BRD1: variants seen among roughly 807,000 people sequenced by gnomAD.
BRD1 encodes bromodomain containing 1.
In BRD1, 24 loss-of-function variants were observed where a neutral mutation model predicts 107.7. That is an observed-to-expected ratio of 0.22 (90% CI 0.16 to 0.31). BRD1 has a LOEUF of 0.31. Among genes scored for constraint, BRD1 ranks in the 10% least tolerant of loss-of-function variants. The probability of loss-of-function intolerance (pLI) is 1.00; values close to 1 mark genes in which losing one functional copy is unlikely to be tolerated. For missense variants in BRD1, 1,279 were observed against 1,638.6 expected, an observed-to-expected ratio of 0.78 and a Z score of 3.79; for synonymous variants, 744 against 686.1, an observed-to-expected ratio of 1.08 and a Z score of -1.32.
rs376536569 is a variant in BRD1 at position 49,782,567 on chromosome 22, G to A, written c.2858-4754C>T. Among the ~76,000 whole-genome samples the A allele has an allele frequency of 1.5e-3, 218 of 145,292 alleles. 2 individuals carry two copies. The highest frequency in any genetic ancestry group is 5.0e-3 in the African/African-American group (196 of 38,970). On this transcript the variant is annotated intron_variant, in intron 8 of 12. Transcript: ENST00000404760. ...GACAGACCCAAGGCCCATCGTGCTG[G>A]GACTCGCTCCGTGACAATGCAGCTG...
Position 49,803,189 on chromosome 22 carries a change from G to T in BRD1, c.1524+1015C>A, listed in dbSNP as rs1483400954. 6.6e-6 allele frequency among the ~76,000 whole-genome samples: 1 copy of T among 152,228 alleles called. No individual in the cohort carries two copies. Among genetic ancestry groups the T allele is most frequent in the African/African-American group, 2.4e-5 (1 of 41,452 alleles). On this transcript the variant is annotated intron_variant, in intron 3 of 12. Transcript: ENST00000404760. This position sits in a 1 kb window ranked among gnomAD's most constrained non-coding sequence, Gnocchi z 4.4. ...CAGCCACGGCAGGTGACTGAACAGG[G>T]CTCACGCTGCAGAGGCAGAGTCTGC... is the stretch of plus-strand genomic sequence containing the variant.
At chr22:49,781,590 G>A (rs1364780587) in intron 8 of BRD1, among the ~76,000 whole-genome samples, 1 of 152,204 alleles carries the variant, frequency 6.6e-6, no homozygotes, top group African/African-American at 2.4e-5. Context: ...CCCACAACAC[G>A]GGATACAAGC....
rs151282207 is a variant in BRD1 at position 49,774,260 on chromosome 22, C to A, written c.3543G>T (p.Pro1181=). The change falls in exon 13 of 13, where the codon CCG becomes CCT. Residue 1181 remains proline, a synonymous_variant. Coordinates refer to ENST00000404760, the MANE Select transcript of BRD1 (RefSeq NM_001304808.3). ...AGTCAATGTCACTGAGGTCGCTGGT[C>A]GGCTCCCCGTGGACGCGGCTCAGGT... ...MNHLSRVHGE[P]TSDLSDID The A allele has an allele frequency of 3.8e-5, 61 of 1,613,986 alleles. No homozygotes were observed. In the Middle Eastern group the frequency reaches 3.8e-3, roughly 101 times the overall value.
intron 2 of BRD1, among the ~76,000 whole-genome samples, chr22:49,809,467 G>C (rs990173669): frequency 1.3e-5 from 2 of 151,858 alleles, no homozygotes; most frequent in African/African-American, 4.8e-5. Flanking sequence ...CTTGAACACG[G>C]GAGGCGGAGG....
rs75263111 is a variant in BRD1 at position 49,783,214 on chromosome 22, G to A, written c.2857+4176C>T. Among the ~76,000 whole-genome samples, 5,710 of 152,342 alleles carry A rather than the reference G, an allele frequency of 0.037. 396 individuals are homozygous for A. The highest frequency in any genetic ancestry group is 0.13 in the African/African-American group (5,439 of 41,558). On this transcript the variant is annotated intron_variant, in intron 8 of 12. Coordinates refer to ENST00000404760, the MANE Select transcript of BRD1 (RefSeq NM_001304808.3). This position sits in a 1 kb window ranked among gnomAD's most constrained non-coding sequence, Gnocchi z 4.2. ...GACAGACGCCTGCACAAGATCCCACGCACAGATGCCCCACCCCACGAGCAG... is the reference window on the plus strand; with the variant it reads ...GACAGACGCCTGCACAAGATCCCACACACAGATGCCCCACCCCACGAGCAG...
rs755696832 is a variant in BRD1 at position 49,776,062 on chromosome 22, G to A, written c.3219C>T (p.Ser1073=). ...VVWAKCSGYP[S]YPALIIDPKM... ...GAGCCGTACTCACCAGTGCCGGGTA[G>A]GAGGGGTAGCCGCTGCACTTGGCCC... The change falls in exon 11 of 13, where the codon TCC becomes TCT. Residue 1073 remains serine (S), a synonymous_variant. Transcript: ENST00000404760. 11 of 1,578,052 alleles carry A rather than the reference G, an allele frequency of 7.0e-6. No individual in the cohort carries two copies. The South Asian group carries it at 1.0e-4, about 14-fold the overall frequency.
intron 12 of BRD1, among the ~76,000 whole-genome samples, chr22:49,774,727 G>A (rs903208605): frequency 6.6e-6 from 1 of 152,274 alleles, no homozygotes; most frequent in Non-Finnish European, 1.5e-5. Flanking sequence ...AGTCAGGGTG[G>A]GCCCTGGAGC....
chr22:49,803,905 C>T lies in BRD1; in HGVS notation c.1524+299G>A, dbSNP rs2059689311. 6.6e-6 allele frequency among the ~76,000 whole-genome samples: 1 copy of T among 152,246 alleles called. No individual in the cohort carries two copies. The highest frequency in any genetic ancestry group is 1.5e-5 in the Non-Finnish European group (1 of 68,048). ...AACACATCCCTGAGCATCCCCAGTC[C>T]CCAGAGCTGGCCACTGCCCATCAGC... On this transcript the variant is annotated intron_variant, in intron 3 of 12. Coordinates refer to ENST00000404760, the MANE Select transcript of BRD1 (RefSeq NM_001304808.3). This position sits in a 1 kb window ranked among gnomAD's most constrained non-coding sequence, Gnocchi z 4.4.
intron 2 of BRD1, among the ~76,000 whole-genome samples, chr22:49,821,784 G>C (rs904672485): frequency 2.0e-5 from 3 of 152,162 alleles, no homozygotes; most frequent in African/African-American, 7.2e-5. Flanking sequence ...AGAGGGTCCT[G>C]CTCACTGACC....
intron 1 of BRD1, chr22:49,826,182 CGACAGCAAAGTCCTG>C: frequency 1.0e-6 from 1 of 985,446 alleles, no homozygotes; most frequent in Non-Finnish European, 1.2e-6. Context: ...ATTTTCCCCT[CGACAGCAAAGTCCTG>C]AGTCGCCCTA....
chr22:49,788,835 TTAAA>T (rs1601637435), intron 7 of BRD1, among the ~76,000 whole-genome samples: 1 of 152,242 alleles, frequency 6.6e-6, no homozygotes, highest in Admixed American at 6.5e-5. Flanking sequence ...ATAAAACACT[TTAAA>T]TAATCCTTAG....
At position 49,824,503 on chromosome 22, in the gene BRD1, G is replaced by A. The variant is rs188607233; in HGVS notation, c.-14-172C>T. ...CAAAACCACACATCCAGGCCTGAGC[G>A]AGTCCCCAGGACCAGGGAGGGAGCA... On this transcript the variant is annotated intron_variant, in intron 1 of 12. Transcript: ENST00000404760. This position sits in a 1 kb window ranked among gnomAD's most constrained non-coding sequence, Gnocchi z 5.9. The A allele has an allele frequency of 1.2e-3, 1,749 of 1,424,616 alleles. 4 individuals carry two copies. The highest frequency in any genetic ancestry group is 1.4e-3 in the Non-Finnish European group (1,501 of 1,094,876). The allele number at this position is 1,424,616 out of a possible 1,614,324, so 88.2% of individuals were successfully genotyped here.
chr22:49,826,345 C>A, intron 1 of BRD1: 1 of 845,124 alleles, frequency 1.2e-6, no homozygotes, highest in South Asian at 5.4e-5. Context: ...GCAACTGGGA[C>A]CCGGGGAAAG....
chr22:49,799,240 G>C, intron 3 of BRD1, 121 bp from the exon 4 acceptor site: 1 of 1,362,184 alleles, frequency 7.3e-7, no homozygotes, highest in Non-Finnish European at 1.0e-6. Flanking sequence ...GGCCCATCCT[G>C]GGGAGGACAA....
At position 49,827,771 on chromosome 22, in the gene BRD1, C is replaced by A. The variant is rs1188397537; in HGVS notation, c.-289G>T. Among the ~76,000 whole-genome samples the A allele has an allele frequency of 1.4e-5, 2 of 139,398 alleles. No homozygotes were observed. Among genetic ancestry groups the A allele is most frequent in the African/African-American group, 2.7e-5 (1 of 36,744 alleles). 91.5% of individuals were successfully genotyped at this position (139,398 alleles called of 152,430 possible). ...GGGGGGCCCGGCCGGCGGGCGCGGG[C>A]GCGGGCGCGGGAGCGGGCGGCGGGC... On this transcript the variant is annotated 5_prime_UTR_variant, in exon 1 of 13. Transcript: ENST00000404760.
At chr22:49,781,733 A>G (rs2059212876) in intron 8 of BRD1, among the ~76,000 whole-genome samples, 2 of 152,274 alleles carry the variant, frequency 1.3e-5, no homozygotes, top group South Asian at 4.1e-4. Context: ...GGCCCCACGC[A>G]GTGACAAAGG....
At chr22:49,826,142 G>C in intron 1 of BRD1, 1 of 982,860 alleles carries the variant, frequency 1.0e-6, no homozygotes, top group South Asian at 4.7e-5. Flanking sequence ...GCAACAGTTG[G>C]TTACTCACCA....
At chr22:49,786,267 C>T (rs1041591056) in intron 8 of BRD1, among the ~76,000 whole-genome samples, 3 of 152,204 alleles carry the variant, frequency 2.0e-5, no homozygotes, top group Non-Finnish European at 4.4e-5. Flanking sequence ...GCAACCTGAG[C>T]CGGCACCTCC....
intron 6 of BRD1, among the ~76,000 whole-genome samples, chr22:49,795,312 C>T (rs1254294328): frequency 6.6e-6 from 1 of 152,210 alleles, no homozygotes; most frequent in Non-Finnish European, 1.5e-5. Flanking sequence ...TGGGAGGTGT[C>T]GGCCGTGCTG....
Sources: allele counts gnomAD v4.1 joint callset (sites outside exome capture counted in the v4.1 genomes callset), GRCh38; gene constraint gnomAD v4.1.1; non-coding constraint Gnocchi (gnomAD v3.1); transcripts MANE v1.5; gene names NCBI Gene and HGNC (gene_info 2026-07-23, HGNC 2026-07-21).